The following TNS3 variants were observed in gnomAD, a reference collection of about 807,000 sequenced individuals.
The protein encoded by TNS3 is tensin-3.
A neutral mutation model predicts 140.9 loss-of-function variants in TNS3; 45 were observed. That is an observed-to-expected ratio of 0.32 (90% CI 0.25 to 0.41). The LOEUF (loss-of-function observed/expected upper bound fraction) is 0.41. Ranked by LOEUF, TNS3 falls within the 10% of genes least tolerant of loss-of-function variation. The pLI, the probability that TNS3 is intolerant of heterozygous loss-of-function variation, is 1.00. For synonymous variants in TNS3, 815 were observed against 788.4 expected (o/e 1.03, Z -0.56); for missense variants, 1,716 against 1,906.7 (o/e 0.90, Z 1.86).
At chr7:47,355,705 T>G (rs954330520) in intron 17 of TNS3, among the ~76,000 whole-genome samples, 3 of 152,168 alleles carry the variant, frequency 2.0e-5, no homozygotes, top group African/African-American at 7.2e-5. Context: ...AACTCCCAAT[T>G]ATGTAAACTA....
In TNS3 at chr7:47,275,923, C is replaced by A. The variant is rs898619445; in HGVS notation, c.*2153G>T. The A allele has an allele frequency of 2.2e-6, 1 of 453,894 alleles. No individual in the cohort carries two copies. The highest frequency in any genetic ancestry group is 4.4e-6 in the Non-Finnish European group (1 of 225,546). The allele number at this position is 453,894 out of a possible 1,614,324, so 28.1% of individuals were successfully genotyped here. On this transcript the variant is annotated 3_prime_UTR_variant, in exon 31 of 31. Transcript: ENST00000311160. ...CAGGCTGCGTTTCTCAATACTGAGA[C>A]CCTAGTTTGCTCTGACTTCTAAATG...
At chr7:47,409,868 A>T (rs1793667990) in intron 13 of TNS3, among the ~76,000 whole-genome samples, 1 of 152,128 alleles carries the variant, frequency 6.6e-6, no homozygotes, top group South Asian at 2.1e-4. Context: ...CGTGTCAGCC[A>T]GGATGGTCTC....
Position 47,471,449 on chromosome 7 carries a change from A to AGG in TNS3, c.-76+9652_-76+9653dup, listed in dbSNP as rs3839717. ...ATGGAGTCATTCAGGATGGAATGGA[A>AGG]GGGGGTCTTCCTTTCCAACCTTGGC... On this transcript the variant is annotated intron_variant, in intron 4 of 30. Transcript: ENST00000311160. Among the ~76,000 whole-genome samples, 318 of 152,108 alleles carry AGG rather than the reference A, an allele frequency of 2.1e-3. 4 individuals carry two copies. Among genetic ancestry groups the AGG allele is most frequent in the African/African-American group, 7.0e-3 (289 of 41,472 alleles).
intron 2 of TNS3, among the ~76,000 whole-genome samples, chr7:47,525,529 G>A (rs1401392830): frequency 6.6e-6 from 1 of 152,224 alleles, no homozygotes; most frequent in African/African-American, 2.4e-5. Context: ...GCTCCTGTGT[G>A]CATGCACATT....
intron 3 of TNS3, among the ~76,000 whole-genome samples, chr7:47,492,634 G>C (rs922049667): frequency 2.6e-5 from 4 of 152,218 alleles, no homozygotes; most frequent in Non-Finnish European, 5.9e-5. Flanking sequence ...TTCAAGAGAA[G>C]AGCACAGAAA....
chr7:47,291,601 T>A (rs1270873382), intron 27 of TNS3, among the ~76,000 whole-genome samples: 1 of 152,216 alleles, frequency 6.6e-6, no homozygotes, highest in African/African-American at 2.4e-5. Context: ...AATCATTGAC[T>A]CATGTCAAGT....
chr7:47,331,580 T>A (rs533356937), intron 20 of TNS3, among the ~76,000 whole-genome samples: 44 of 152,332 alleles, frequency 2.9e-4, no homozygotes, highest in African/African-American at 1.1e-3. Context: ...CTGACGCCCA[T>A]CGCACACTTG....
chr7:47,405,493 C>T, intron 13 of TNS3: 2 of 703,008 alleles, frequency 2.8e-6, no homozygotes, highest in Non-Finnish European at 2.6e-6. Context: ...AGGGCCAACA[C>T]TAACCATGAT....
At chr7:47,479,386 CG>C (rs944825058) in intron 4 of TNS3, among the ~76,000 whole-genome samples, 1 of 152,202 alleles carries the variant, frequency 6.6e-6, no homozygotes, top group Non-Finnish European at 1.5e-5. Context: ...CCCTGGCTCC[CG>C]GGGCCTATGA....
At chr7:47,556,182 C>T (rs1040806205) in intron 1 of TNS3, among the ~76,000 whole-genome samples, 2 of 152,224 alleles carry the variant, frequency 1.3e-5, no homozygotes, top group Admixed American at 1.3e-4. Flanking sequence ...CCCACATGCC[C>T]TCTTTTGTAG....
At chr7:47,485,685 G>A (rs1797584926) in intron 3 of TNS3, among the ~76,000 whole-genome samples, 1 of 152,244 alleles carries the variant, frequency 6.6e-6, no homozygotes, top group Non-Finnish European at 1.5e-5. Context: ...GGGCCCCTCT[G>A]AGAAGCCTGT....
intron 1 of TNS3, among the ~76,000 whole-genome samples, chr7:47,568,172 T>C (rs936235411): frequency 6.6e-6 from 1 of 152,074 alleles, no homozygotes; most frequent in African/African-American, 2.4e-5. Context: ...TTCAAAACAC[T>C]AAGCCTTGGA....
chr7:47,501,273 A>T (rs1247277479), intron 3 of TNS3, among the ~76,000 whole-genome samples: 2 of 152,186 alleles, frequency 1.3e-5, no homozygotes, highest in Non-Finnish European at 2.9e-5. Context: ...GCAAATTCAG[A>T]TCATTCATTC....
chr7:47,451,388 T>C (rs1204877996), intron 4 of TNS3, among the ~76,000 whole-genome samples: 2 of 152,172 alleles, frequency 1.3e-5, no homozygotes, highest in Non-Finnish European at 2.9e-5. Flanking sequence ...GAGACCAACC[T>C]GGCCAACATG....
intron 20 of TNS3, among the ~76,000 whole-genome samples, chr7:47,305,400 G>A (rs1446671766): frequency 6.6e-6 from 1 of 152,230 alleles, no homozygotes; most frequent in Non-Finnish European, 1.5e-5. Flanking sequence ...CCTCACTTTA[G>A]AATTGGCATG....
chr7:47,505,322 G>C (rs1355306117), intron 3 of TNS3, among the ~76,000 whole-genome samples: 1 of 152,220 alleles, frequency 6.6e-6, no homozygotes, highest in Non-Finnish European at 1.5e-5. Flanking sequence ...AAGGTGCACA[G>C]CACCCCAGGA....
chr7:47,297,564 T>C (rs1457698506), intron 23 of TNS3, among the ~76,000 whole-genome samples: 1 of 152,018 alleles, frequency 6.6e-6, no homozygotes, highest in Non-Finnish European at 1.5e-5. Flanking sequence ...ACCTGTGATG[T>C]CCAAATGATG....
At chr7:47,305,798 C>T (rs1786715913) in intron 20 of TNS3, among the ~76,000 whole-genome samples, 1 of 152,048 alleles carries the variant, frequency 6.6e-6, no homozygotes, top group African/African-American at 2.4e-5. Context: ...TTTTTTAAAC[C>T]AGGCTTCAAG....
chr7:47,327,760 T>C (rs1353611377), intron 20 of TNS3, among the ~76,000 whole-genome samples: 6 of 152,180 alleles, frequency 3.9e-5, no homozygotes, highest in East Asian at 1.9e-4. Context: ...AAGGGGACTC[T>C]TGGAACAATC....
Sources: gnomAD v4.1 joint callset for allele counts (sites outside exome capture counted in the v4.1 genomes callset) on GRCh38, gnomAD v4.1.1 for gene constraint, MANE v1.5 for transcripts, NCBI Gene and HGNC (gene_info 2026-07-23, HGNC 2026-07-21) for gene names.